ZNF385D: variants seen among roughly 807,000 people sequenced by gnomAD.
The protein encoded by ZNF385D is zinc finger protein 659.
ZNF385D carries 15 observed loss-of-function variants against 35.8 expected under a neutral mutation model. The observed-to-expected ratio is 0.42, with a 90% CI of 0.28 to 0.64. The LOEUF is 0.64. Among genes scored for constraint, ZNF385D ranks in the 30% least tolerant of loss-of-function variants. The probability of loss-of-function intolerance (pLI) is 0.23; values close to 1 mark genes in which losing one functional copy is unlikely to be tolerated. For missense variants in ZNF385D, 474 were observed against 494.6 expected, an observed-to-expected ratio of 0.96 and a Z score of 0.39; for synonymous variants, 212 against 186.8, an observed-to-expected ratio of 1.13 and a Z score of -1.10.
chr3:22,250,101 G>A lies in ZNF385D; in HGVS notation c.107-81066C>T, dbSNP rs1485312219. Among the ~76,000 whole-genome samples the A allele has an allele frequency of 4.6e-5, 7 of 152,172 alleles. No homozygotes were observed. The East Asian group carries it at 1.2e-3, about 25-fold the overall frequency. On this transcript the variant is annotated intron_variant, in intron 2 of 5. Transcript: ENST00000494108. ...TGTTTACTCATAAATTTGTAATTTG[G>A]AAGAGAAAAGCCAAAGATGTGGTAA...
chr3:22,048,868 A>G (rs1699172753), intron 3 of ZNF385D, among the ~76,000 whole-genome samples: 1 of 152,158 alleles, frequency 6.6e-6, no homozygotes, highest in Non-Finnish European at 1.5e-5. Flanking sequence ...AATTCTTTCA[A>G]TTCATGAACA....
At chr3:22,275,040 TATC>T (rs1348586165) in intron 2 of ZNF385D, among the ~76,000 whole-genome samples, 4 of 152,104 alleles carry the variant, frequency 2.6e-5, no homozygotes, top group Admixed American at 6.6e-5. Context: ...CTTTGCTTAT[TATC>T]ATTCTACTGT....
intron 2 of ZNF385D, among the ~76,000 whole-genome samples, chr3:21,642,377 G>A: frequency 6.6e-6 from 1 of 151,950 alleles, no homozygotes. Context: ...TCCTTGGCAT[G>A]AGACAAAAAA....
chr3:21,806,346 A>G (rs2072646707), intron 3 of ZNF385D, among the ~76,000 whole-genome samples: 1 of 151,886 alleles, frequency 6.6e-6, no homozygotes, highest in African/African-American at 2.4e-5. Flanking sequence ...CTGGGACTAC[A>G]GGCGCCTGTC....
intron 3 of ZNF385D, among the ~76,000 whole-genome samples, chr3:21,827,620 A>G (rs564330264): frequency 6.6e-6 from 1 of 152,196 alleles, no homozygotes; most frequent in Admixed American, 6.5e-5. Context: ...TCATATAGGG[A>G]GGAGATTAGT....
chr3:21,830,922 A>G (rs576043137), intron 3 of ZNF385D, among the ~76,000 whole-genome samples: 17 of 152,322 alleles, frequency 1.1e-4, no homozygotes, highest in Non-Finnish European at 2.1e-4. Context: ...GTGTCATACC[A>G]TAAGTTGGCT....
intron 3 of ZNF385D, among the ~76,000 whole-genome samples, chr3:21,858,741 G>T (rs1224393227): frequency 1.3e-5 from 2 of 152,078 alleles, no homozygotes; most frequent in African/African-American, 2.4e-5. Context: ...AAGACAGCAC[G>T]AATGATTGGA....
chr3:22,028,315 C>T (rs540300807), intron 3 of ZNF385D, among the ~76,000 whole-genome samples: 12 of 152,282 alleles, frequency 7.9e-5, no homozygotes, highest in Admixed American at 7.8e-4. Flanking sequence ...TTTCACCAGC[C>T]ACCTCTGTCA....
intron 3 of ZNF385D, among the ~76,000 whole-genome samples, chr3:21,854,759 G>A (rs1355235557): frequency 1.3e-5 from 2 of 151,572 alleles, no homozygotes; most frequent in African/African-American, 4.9e-5. Flanking sequence ...CATTTAATAG[G>A]CACTTAATAA....
chr3:21,781,272 G>T (rs2071479135), intron 3 of ZNF385D, among the ~76,000 whole-genome samples: 1 of 152,038 alleles, frequency 6.6e-6, no homozygotes, highest in Admixed American at 6.6e-5. Flanking sequence ...ATTTTCAGAG[G>T]ATACATAGTC....
At chr3:21,906,286 C>T (rs1699680258) in intron 3 of ZNF385D, among the ~76,000 whole-genome samples, 1 of 152,162 alleles carries the variant, frequency 6.6e-6, no homozygotes, top group Non-Finnish European at 1.5e-5. Context: ...TTATGAGTAG[C>T]CATGTCCAGC....
intron 2 of ZNF385D, among the ~76,000 whole-genome samples, chr3:22,263,294 A>G (rs997985202): frequency 3.9e-5 from 6 of 151,920 alleles, no homozygotes; most frequent in East Asian, 1.9e-4. Flanking sequence ...CTGTTTCTCA[A>G]TCATAAGCTT....
At chr3:21,758,975 CAAAAAAAAAAAAAAAAAAA>C (rs58450064) in intron 3 of ZNF385D, among the ~76,000 whole-genome samples, 2 of 29,222 alleles carry the variant, frequency 6.8e-5, no homozygotes, top group African/African-American at 1.4e-4. Context: ...TCATCACTGG[CAAAAAAAAAAAAAAAAAAA>C]AAAAAAAAAA....
chr3:21,783,382 A>G (rs2071566997), intron 3 of ZNF385D, among the ~76,000 whole-genome samples: 1 of 152,174 alleles, frequency 6.6e-6, no homozygotes, highest in African/African-American at 2.4e-5. Context: ...GCCAGAGTAG[A>G]GACCTTCAAT....
intron 4 of ZNF385D, among the ~76,000 whole-genome samples, chr3:21,464,137 G>A (rs1703357797): frequency 6.6e-6 from 1 of 152,066 alleles, no homozygotes; most frequent in African/African-American, 2.4e-5. Flanking sequence ...ATATTCTCAA[G>A]GTTTTTGATA....
At chr3:22,012,296 A>T (rs1014306763) in intron 3 of ZNF385D, among the ~76,000 whole-genome samples, 5 of 152,166 alleles carry the variant, frequency 3.3e-5, no homozygotes, top group Non-Finnish European at 7.4e-5. Context: ...TTTGAACTTT[A>T]TTCAAGTATG....
chr3:21,601,805 T>C (rs886523507), intron 2 of ZNF385D, among the ~76,000 whole-genome samples: 85 of 152,268 alleles, frequency 5.6e-4, no homozygotes, highest in African/African-American at 1.9e-3. Flanking sequence ...GCTGATCAGT[T>C]GATACCTTGG....
At chr3:22,066,324 G>GTGTGTGTC (rs973138877) in intron 3 of ZNF385D, among the ~76,000 whole-genome samples, 4 of 151,620 alleles carry the variant, frequency 2.6e-5, no homozygotes, top group African/African-American at 9.7e-5. Flanking sequence ...GTGTGTATGT[G>GTGTGTGTC]TGTGTATTAG....
At chr3:21,987,943 T>G (rs1436704956) in intron 3 of ZNF385D, among the ~76,000 whole-genome samples, 2 of 147,270 alleles carry the variant, frequency 1.4e-5, no homozygotes, top group African/African-American at 4.9e-5. Flanking sequence ...TGATACCCTT[T>G]CTTCCAGTTG....
Sources: allele counts gnomAD v4.1 joint callset (sites outside exome capture counted in the v4.1 genomes callset), GRCh38; gene constraint gnomAD v4.1.1; transcripts MANE v1.5; gene names NCBI Gene and HGNC (gene_info 2026-07-23, HGNC 2026-07-21).